Variants in ABCA6 observed in about 807,000 individuals in gnomAD.
The protein encoded by ABCA6 is ATP binding cassette subfamily A member 6.
In ABCA6, 164 loss-of-function variants were observed where a neutral mutation model predicts 191.2. The ratio of observed to expected loss-of-function variants is 0.86; its 90% CI spans 0.76 to 0.98. ABCA6 has a LOEUF of 0.98. Among genes scored for constraint, ABCA6 ranks in the 50% least tolerant of loss-of-function variants. The pLI is 0.00. For synonymous variants in ABCA6, 636 were observed against 647.7 expected (o/e 0.98, Z 0.27); for missense variants, 1,958 against 1,894.1 (o/e 1.03, Z -0.63).
At chr17:69,132,889 T>C (rs2073889601) in intron 6 of ABCA6, among the ~76,000 whole-genome samples, 1 of 152,202 alleles carries the variant, frequency 6.6e-6, no homozygotes, top group African/African-American at 2.4e-5. Context: ...TGTGTACATA[T>C]ATGTGTGTAT....
At chr17:69,134,599 G>A (rs1341241770) in intron 5 of ABCA6, 40 bp downstream of exon 5, 1 of 1,439,850 alleles carries the variant, frequency 6.9e-7, no homozygotes, top group African/African-American at 1.4e-5. Context: ...TCTGGAAGTA[G>A]CTGACATTAA....
intron 17 of ABCA6, chr17:69,109,511 C>T (rs1027413199): frequency 2.0e-5 from 3 of 152,142 alleles, no homozygotes; most frequent in African/African-American, 4.8e-5. Flanking sequence ...AGTACATGCA[C>T]AATTAAAATA....
intron 13 of ABCA6, among the ~76,000 whole-genome samples, chr17:69,114,044 C>T (rs1309436179): frequency 6.6e-6 from 1 of 152,078 alleles, no homozygotes; most frequent in African/African-American, 2.4e-5. Context: ...TACCATTTGA[C>T]CCAGCCATCC....
chr17:69,101,038 T>C, intron 21 of ABCA6, 104 bp from the exon 22 acceptor site: 4 of 973,782 alleles, frequency 4.1e-6, no homozygotes, highest in Non-Finnish European at 6.0e-6. Context: ...TTGTTGTGTG[T>C]CCATCTTCAA....
intron 23 of ABCA6, among the ~76,000 whole-genome samples, chr17:69,097,530 A>G (rs2073077360): frequency 6.6e-6 from 1 of 152,202 alleles, no homozygotes; most frequent in Non-Finnish European, 1.5e-5. Flanking sequence ...AATGGGCATA[A>G]TCGAATACAA....
rs2072712755 is a variant in ABCA6 at position 69,084,247 on chromosome 17, A to G, written c.4355+14T>C. 7 of 1,613,206 alleles carry G rather than the reference A, an allele frequency of 4.3e-6. No homozygotes were observed. The highest frequency in any genetic ancestry group is 5.9e-6 in the Non-Finnish European group (7 of 1,179,286). ...ATGTGCATGCTCGCAGCTCTGGGGT[A>G]TAATGATGCTCACCACATTTGCTGC... On this transcript the variant is annotated intron_variant, in intron 34 of 38. Coordinates refer to ENST00000284425, the MANE Select transcript of ABCA6 (RefSeq NM_080284.3).
chr17:69,083,099 GGT>G (rs879085413), intron 35 of ABCA6, 86 bp from the exon 36 acceptor site: 1 of 1,582,280 alleles, frequency 6.3e-7, no homozygotes, highest in South Asian at 1.2e-5. Context: ...TAGAAGAAAA[GGT>G]GTCACCAAGG....
chr17:69,113,793 G>T, intron 13 of ABCA6, 56 bp from the exon 14 acceptor site: 2 of 1,507,284 alleles, frequency 1.3e-6, no homozygotes, highest in Non-Finnish European at 1.8e-6. Context: ...CATTTATGCA[G>T]CCAAAAGACA....
intron 12 of ABCA6, 33 bp downstream of exon 12, chr17:69,115,343 C>T (rs776345830): frequency 6.0e-6 from 9 of 1,507,650 alleles, no homozygotes; most frequent in Non-Finnish European, 8.2e-6. Context: ...TATTATAAGA[C>T]ATCTTGCCTT....
Position 69,096,788 on chromosome 17 carries a change from G to A in ABCA6, c.3134C>T (p.Ser1045Phe), listed in dbSNP as rs138992705. 683 of 1,522,160 alleles carry A rather than the reference G, an allele frequency of 4.5e-4. No individual in the cohort carries two copies. The highest frequency in any genetic ancestry group is 5.4e-4 in the Non-Finnish European group (619 of 1,146,418). 94.3% of individuals were successfully genotyped at this position (1,522,160 alleles called of 1,614,324 possible). A position where few individuals can be genotyped will look rare whatever the true frequency, so the allele number is the denominator to read the frequency against. Reference sequence around the variant, plus strand: ...GTAGAGGCCTGAAATCCATAGCTGGGACTTAGCATTTTTCTGATTAAAAAA... The same window carrying A: ...GTAGAGGCCTGAAATCCATAGCTGGAACTTAGCATTTTTCTGATTAAAAAA... ...SISDYKKNAK[S>F]QLWISGLYTS... Residue 1045 changes from serine to phenylalanine, a missense_variant, in exon 24 of 39, where the codon TCC becomes TTC. By Grantham distance (155) the Ser-to-Phe change is radical. Coordinates refer to ENST00000284425, the MANE Select transcript of ABCA6 (RefSeq NM_080284.3).
rs376074661 is a variant in ABCA6 at position 69,133,832 on chromosome 17, C to T, written c.600G>A (p.Met200Ile). The change falls in exon 6 of 39, where the codon ATG (methionine) becomes ATA (isoleucine). Residue 200 changes from methionine (M) to isoleucine (I), a missense_variant. By Grantham distance (10) the Met-to-Ile change is conservative. Coordinates refer to ENST00000284425, the MANE Select transcript of ABCA6 (RefSeq NM_080284.3). ...TCTTCATAGTTATAGCAGTAACTGA[C>T]ATCAACTCCTCCATCACAGGGTGAT... ...TTNHPVMEEL[M>I]SVTAITMKTL... is the part of the protein sequence containing the mutation. The T allele has an allele frequency of 7.5e-6, 12 of 1,609,256 alleles. No individual in the cohort carries two copies. The African/African-American group carries it at 1.6e-4, about 22-fold the overall frequency.
At chr17:69,134,860 G>T in intron 4 of ABCA6, 118 bp from the exon 5 acceptor site, 2 of 621,266 alleles carry the variant, frequency 3.2e-6, no homozygotes, top group Non-Finnish European at 5.5e-6. Flanking sequence ...CTTTTTTGGT[G>T]GTGGTGTTTC....
chr17:69,130,190 G>A (rs2073836771), intron 6 of ABCA6, among the ~76,000 whole-genome samples: 2 of 152,050 alleles, frequency 1.3e-5, no homozygotes, highest in South Asian at 4.1e-4. Flanking sequence ...GGTGGTGCAT[G>A]CCTGTAGTCC....
rs967417670 is a variant in ABCA6, at chr17:69,140,840, ATAT to A, written c.-45-95_-45-93del. ...TAAAAAGTGTAAACATGAATTTAAA[ATAT>A]TATTTCAATAATTTATGACTGTAAA... On this transcript the variant is annotated intron_variant, in intron 1 of 38. Coordinates refer to ENST00000284425, the MANE Select transcript of ABCA6 (RefSeq NM_080284.3). The A allele has an allele frequency of 1.4e-4, 63 of 440,954 alleles. 1 individual carries two copies. In the South Asian group the frequency reaches 1.8e-3, roughly 12 times the overall value. The allele number at this position is 440,954 out of a possible 1,614,324, so 27.3% of individuals were successfully genotyped here. A position where few individuals can be genotyped will look rare whatever the true frequency, so the allele number is the denominator to read the frequency against.
Position 69,112,255 on chromosome 17 carries a change from G to C in ABCA6, c.2060C>G (p.Ser687Cys). 6.2e-7 allele frequency: 1 copy of C among 1,611,896 alleles called. No individual in the cohort carries two copies. Among genetic ancestry groups the C allele is most frequent in the Non-Finnish European group, 8.5e-7 (1 of 1,178,632 alleles). ...DILADRKVIM[S>C]NGRLKCAGSS... Reference sequence around the variant, plus strand: ...ACCTGCACACTTCAGTCTCCCATTGGACATGATCACTTTTCTATCTGAATG... The same window carrying C: ...ACCTGCACACTTCAGTCTCCCATTGCACATGATCACTTTTCTATCTGAATG... The change falls in exon 16 of 39, where the codon TCC becomes TGC. Residue 687 changes from serine to cysteine, a missense_variant. Ser to Cys is a moderately radical substitution (Grantham distance 112). Transcript: ENST00000284425.
At chr17:69,123,516 A>C in intron 9 of ABCA6, 109 bp from the exon 10 acceptor site, 1 of 695,222 alleles carries the variant, frequency 1.4e-6, no homozygotes, top group Non-Finnish European at 2.0e-6. Context: ...CATCATAGAG[A>C]CATTTTTTCT....
At chr17:69,096,580 T>C (rs753824001) in intron 24 of ABCA6, 48 bp downstream of exon 24, 4 of 1,275,762 alleles carry the variant, frequency 3.1e-6, no homozygotes, top group Non-Finnish European at 4.1e-6. Flanking sequence ...TGTTAAAATT[T>C]ATTATTAATT....
chr17:69,104,349 A>G (rs1410022215), intron 20 of ABCA6: 1 of 152,208 alleles, frequency 6.6e-6, no homozygotes, highest in African/African-American at 2.4e-5. Context: ...ATAGGTAAAG[A>G]AACCTTTCTA....
chr17:69,114,707 T>G, intron 13 of ABCA6, 55 bp downstream of exon 13: 1 of 1,482,564 alleles, frequency 6.7e-7, no homozygotes, highest in Non-Finnish European at 9.1e-7. Context: ...TCTGTGGTCA[T>G]GATTTAATTT....
Sources: allele counts gnomAD v4.1 joint callset (sites outside exome capture counted in the v4.1 genomes callset), GRCh38; gene constraint gnomAD v4.1.1; transcripts MANE v1.5; gene names NCBI Gene and HGNC (gene_info 2026-07-23, HGNC 2026-07-21).